PTPRN2: variants seen among roughly 807,000 people sequenced by gnomAD.
The protein encoded by PTPRN2 is protein tyrosine phosphatase receptor type N2, also known as receptor-type tyrosine-protein phosphatase N2.
In PTPRN2, 74 loss-of-function variants were observed where a neutral mutation model predicts 118.8. That is an observed-to-expected ratio of 0.62 (90% CI 0.52 to 0.76). The LOEUF (loss-of-function observed/expected upper bound fraction) is 0.76, where lower values mean the gene tolerates loss of function less well. PTPRN2 is among the 30% of genes least tolerant of loss of function. The pLI, the probability that PTPRN2 is intolerant of heterozygous loss-of-function variation, is 0.00. For synonymous variants in PTPRN2, 641 were observed against 608.0 expected, an observed-to-expected ratio of 1.05 and a Z score of -0.80; for missense variants, 1,481 against 1,394.4, an observed-to-expected ratio of 1.06 and a Z score of -0.99.
At chr7:158,200,328 G>A (rs1444903909) in intron 4 of PTPRN2, among the ~76,000 whole-genome samples, 1 of 152,164 alleles carries the variant, frequency 6.6e-6, no homozygotes, top group Non-Finnish European at 1.5e-5. Context: ...GGAGATGCAG[G>A]CACCATTTAA....
chr7:157,951,880 C>T (rs1043761967), intron 11 of PTPRN2, among the ~76,000 whole-genome samples: 1 of 152,148 alleles, frequency 6.6e-6, no homozygotes, highest in Non-Finnish European at 1.5e-5. Flanking sequence ...TGGCTGGCTG[C>T]CCCCCTCTCT....
intron 3 of PTPRN2, among the ~76,000 whole-genome samples, chr7:158,269,905 T>C (rs1256345847): frequency 6.9e-6 from 1 of 145,344 alleles, no homozygotes; most frequent in Non-Finnish European, 1.5e-5. Flanking sequence ...GACAGAGACA[T>C]AGAGACAGAG....
intron 12 of PTPRN2, among the ~76,000 whole-genome samples, chr7:157,755,643 A>G (rs1335876107): frequency 6.6e-6 from 1 of 152,160 alleles, no homozygotes; most frequent in African/African-American, 2.4e-5. Context: ...CAAATGCCAC[A>G]TGTTCTCACT....
Position 158,408,399 on chromosome 7 carries a change from A to C in PTPRN2, c.163+81336T>G, listed in dbSNP as rs144901832. 1.1e-3 allele frequency among the ~76,000 whole-genome samples: 169 copies of C among 152,368 alleles called. 6 individuals carry two copies. In the East Asian group the frequency reaches 0.027, roughly 25 times the overall value. ...ATTACAGTAGCTTTCTCTACAGTGG[A>C]ATTTTTCAAATAGACTTTTAAGAGA... On this transcript the variant is annotated intron_variant, in intron 2 of 22. Coordinates refer to ENST00000389418, the MANE Select transcript of PTPRN2 (RefSeq NM_002847.5).
intron 2 of PTPRN2, among the ~76,000 whole-genome samples, chr7:158,429,893 C>T (rs751934720): frequency 2.5e-4 from 38 of 151,938 alleles, no homozygotes; most frequent in Non-Finnish European, 4.6e-4. Context: ...GGGACATAAA[C>T]TGTTCTTTTT....
At chr7:157,840,028 G>A (rs1563159974) in intron 12 of PTPRN2, among the ~76,000 whole-genome samples, 1 of 151,428 alleles carries the variant, frequency 6.6e-6, no homozygotes, top group Non-Finnish European at 1.5e-5. Flanking sequence ...GTGACTGTGT[G>A]TGACTGTGTG....
rs566643185 is a variant in PTPRN2 at position 158,317,698 on chromosome 7, G to A, written c.164-766C>T. On this transcript the variant is annotated intron_variant, in intron 2 of 22. Transcript: ENST00000389418. ...AGGCGCTACTGCTTCCACACAGGGC[G>A]GCCATCTGCAGCTTCGGGCGGGGCG... 2.4e-4 allele frequency among the ~76,000 whole-genome samples: 36 copies of A among 152,302 alleles called. 1 individual carries two copies. The highest frequency in any genetic ancestry group is 6.2e-4 in the South Asian group (3 of 4,816).
intron 11 of PTPRN2, among the ~76,000 whole-genome samples, chr7:158,035,206 C>T (rs182772335): frequency 6.6e-5 from 10 of 152,344 alleles, no homozygotes; most frequent in African/African-American, 2.4e-4. Context: ...AATACTCTCA[C>T]TTCATAGTCA....
At position 158,470,319 on chromosome 7, in the gene PTPRN2, T is replaced by C. The variant is rs527732851; in HGVS notation, c.163+19416A>G. Among the ~76,000 whole-genome samples the C allele has an allele frequency of 2.0e-5, 3 of 152,332 alleles. No individual in the cohort carries two copies. In the East Asian group the frequency reaches 5.8e-4, roughly 29 times the overall value. ...AGTGACTTGTGGGATAAACCGCTTG[T>C]TGCTTGTTTTTATTTTTTACATTTC... is the stretch of plus-strand genomic sequence containing the variant. On this transcript the variant is annotated intron_variant, in intron 2 of 22. Coordinates refer to ENST00000389418, the MANE Select transcript of PTPRN2 (RefSeq NM_002847.5).
At chr7:158,050,947 G>A (rs1809281312) in intron 11 of PTPRN2, among the ~76,000 whole-genome samples, 1 of 152,238 alleles carries the variant, frequency 6.6e-6, no homozygotes, top group Non-Finnish European at 1.5e-5. Flanking sequence ...GAGGAGCACT[G>A]AGACAACAGC....
Position 157,845,616 on chromosome 7 carries a change from T to C in PTPRN2, c.1788+53057A>G, listed in dbSNP as rs1344885694. On this transcript the variant is annotated intron_variant, in intron 12 of 22. Transcript: ENST00000389418. The surrounding 1 kb of genome is among the most constrained non-coding windows in gnomAD (Gnocchi z 4.5). ...CCAGGCAATGTTAAGGAGCATTGCA[T>C]GGAGGAGCCACTTGCAGATGCGGTA... Among the ~76,000 whole-genome samples, 1 of 152,206 alleles carries C rather than the reference T, an allele frequency of 6.6e-6. No homozygotes were observed. The highest frequency in any genetic ancestry group is 2.4e-5 in the African/African-American group (1 of 41,452).
At chr7:157,749,985 C>A (rs903411907) in intron 12 of PTPRN2, among the ~76,000 whole-genome samples, 1 of 151,774 alleles carries the variant, frequency 6.6e-6, no homozygotes, top group Non-Finnish European at 1.5e-5. Flanking sequence ...TCACGTGATT[C>A]TGAGGCCTGT....
rs377712653 is a variant in PTPRN2 at position 158,191,430 on chromosome 7, GTCCCCAGGGCCA to G, written c.549+885_549+896del. ...TGAGCGTCGCCATCAAACCCCCAATGTCCCCAGGGCCATCCTGGGCCTCAACACCTGGTCCAA... is the reference window on the plus strand; with the variant it reads ...TGAGCGTCGCCATCAAACCCCCAATGTCCTGGGCCTCAACACCTGGTCCAA... On this transcript the variant is annotated intron_variant, in intron 5 of 22. Transcript: ENST00000389418. 2.7e-3 allele frequency among the ~76,000 whole-genome samples: 417 copies of G among 152,102 alleles called. 4 individuals carry two copies. The highest frequency in any genetic ancestry group is 9.5e-3 in the African/African-American group (394 of 41,496).
chr7:158,012,908 T>A (rs908515683), intron 11 of PTPRN2, among the ~76,000 whole-genome samples: 5 of 152,198 alleles, frequency 3.3e-5, no homozygotes, highest in African/African-American at 1.2e-4. Flanking sequence ...AAACCCTCAG[T>A]TCTATCTCTC....
intron 3 of PTPRN2, among the ~76,000 whole-genome samples, chr7:158,213,719 C>G (rs987236855): frequency 1.3e-5 from 2 of 151,982 alleles, no homozygotes; most frequent in East Asian, 3.9e-4. Context: ...AGCACATTTG[C>G]AATGTTAGTA....
chr7:158,096,621 G>C (rs1814646647), intron 10 of PTPRN2, among the ~76,000 whole-genome samples: 1 of 152,210 alleles, frequency 6.6e-6, no homozygotes, highest in Non-Finnish European at 1.5e-5. Flanking sequence ...AAAACCTCAT[G>C]TCACTGTCTC....
chr7:157,695,547 A>C (rs1295192179), intron 12 of PTPRN2, among the ~76,000 whole-genome samples: 1 of 152,252 alleles, frequency 6.6e-6, no homozygotes. Context: ...AAAGAAAACA[A>C]CATTTTAAAG....
chr7:158,021,523 C>T (rs2043498), intron 11 of PTPRN2, among the ~76,000 whole-genome samples: 87,317 of 151,908 alleles, frequency 0.57, 26,904 homozygotes, highest in East Asian at 0.76. Context: ...GGGAATATAT[C>T]GGTAATTAGC....
At chr7:157,604,736 C>G (rs1277311634) in intron 15 of PTPRN2, among the ~76,000 whole-genome samples, 1 of 152,204 alleles carries the variant, frequency 6.6e-6, no homozygotes, top group African/African-American at 2.4e-5. Context: ...CATAAAAACT[C>G]GCTCGGACAG....
Sources: gnomAD v4.1 joint callset for allele counts (sites outside exome capture counted in the v4.1 genomes callset) on GRCh38, gnomAD v4.1.1 for gene constraint, Gnocchi (gnomAD v3.1) non-coding constraint, MANE v1.5 for transcripts, NCBI Gene and HGNC (gene_info 2026-07-23, HGNC 2026-07-21) for gene names.